The following COLEC12 variants were observed in gnomAD, a reference collection of about 807,000 sequenced individuals.
The protein encoded by COLEC12 is collectin-12.
In COLEC12, 33 loss-of-function variants were observed where a neutral mutation model predicts 71.1. The ratio of observed to expected loss-of-function variants is 0.46; its 90% confidence interval spans 0.35 to 0.62. The LOEUF is 0.62. COLEC12 is among the 20% of genes least tolerant of loss of function. COLEC12 has a pLI of 0.00. For missense variants in COLEC12, 765 were observed against 916.1 expected, an observed-to-expected ratio of 0.84 and a Z score of 2.13; for synonymous variants, 350 against 353.0, an observed-to-expected ratio of 0.99 and a Z score of 0.10.
chr18:450,325 G>A (rs990991517), intron 2 of COLEC12, among the ~76,000 whole-genome samples: 1 of 152,188 alleles, frequency 6.6e-6, no homozygotes. Flanking sequence ...GGGGGGGCCT[G>A]CTGGGAGGAG....
At chr18:417,969 G>C (rs984439337) in intron 2 of COLEC12, among the ~76,000 whole-genome samples, 5 of 152,122 alleles carry the variant, frequency 3.3e-5, no homozygotes, top group African/African-American at 9.7e-5. Context: ...GGATGGCCCT[G>C]CCCCGCACAG....
chr18:348,290 T>A, intron 3 of COLEC12, 127 bp from the exon 4 acceptor site: 1 of 570,292 alleles, frequency 1.8e-6, no homozygotes. Context: ...GTAACTGAAA[T>A]CAAATATAGG....
At chr18:401,728 C>A (rs1308549201) in intron 2 of COLEC12, among the ~76,000 whole-genome samples, 1 of 152,088 alleles carries the variant, frequency 6.6e-6, no homozygotes, top group African/African-American at 2.4e-5. Flanking sequence ...GGAGTATAAT[C>A]AAAAATTTGC....
chr18:483,868 G>A (rs926256663), intron 1 of COLEC12, among the ~76,000 whole-genome samples: 7 of 152,160 alleles, frequency 4.6e-5, no homozygotes, highest in South Asian at 2.1e-4. Flanking sequence ...ACAGCCTAGC[G>A]GAGTTGATGA....
intron 8 of COLEC12, among the ~76,000 whole-genome samples, chr18:330,877 T>TG (rs199804019): frequency 0.013 from 1,920 of 150,202 alleles, 59 homozygotes; most frequent in African/African-American, 0.044. Context: ...TTTGTAGTTT[T>TG]TTTTTTTTTT....
chr18:379,954 G>T (rs988809154), intron 2 of COLEC12, among the ~76,000 whole-genome samples: 3 of 152,066 alleles, frequency 2.0e-5, no homozygotes, highest in African/African-American at 7.2e-5. Flanking sequence ...GGAAAGCAAA[G>T]ATTTCTACCC....
chr18:446,919 A>T (rs1916665627), intron 2 of COLEC12, among the ~76,000 whole-genome samples: 1 of 152,206 alleles, frequency 6.6e-6, no homozygotes, highest in Non-Finnish European at 1.5e-5. Context: ...TTTTGAAAAA[A>T]TTCTATGTTC....
Position 346,591 on chromosome 18 carries a change from A to G in COLEC12, c.1031T>C (p.Val344Ala), listed in dbSNP as rs1914377115. ...GTAACTGATATTGCTAATGATGTTC[A>G]CAATATCCGTCTCAAAGAGCTGGAA... ...ERFQLFETDI[V>A]NIISNISYTA... The change falls in exon 5 of 10, where the codon GTG (valine) becomes GCG (alanine). Residue 344 changes from valine (V) to alanine (A), a missense_variant. By Grantham distance (64) the Val-to-Ala change is moderately conservative. Transcript: ENST00000400256. The surrounding 1 kb of genome is among the most constrained non-coding windows in gnomAD (Gnocchi z 4.0). 3.1e-6 allele frequency: 5 copies of G among 1,614,094 alleles called. No homozygotes were observed. Among genetic ancestry groups the G allele is most frequent in the Non-Finnish European group, 4.2e-6 (5 of 1,180,026 alleles).
Position 319,175 on chromosome 18 carries a change from C to T in COLEC12, c.*870G>A, listed in dbSNP as rs1335690241. On this transcript the variant is annotated 3_prime_UTR_variant, in exon 10 of 10. Coordinates refer to ENST00000400256, the MANE Select transcript of COLEC12 (RefSeq NM_130386.3). ...TTTCTTCTGTGTCTGGTCAGGCACA[C>T]GTCAAGAATGTTGGCTGGTGATGGG... The T allele has an allele frequency of 2.0e-5, 3 of 151,900 alleles. No individual in the cohort carries two copies. Among genetic ancestry groups the T allele is most frequent in the Non-Finnish European group, 2.9e-5 (2 of 68,008 alleles). The allele number at this position is 151,900 out of a possible 1,614,324, so 9.4% of individuals were successfully genotyped here.
chr18:369,432 T>TTTTTA (rs1404120556), intron 2 of COLEC12, among the ~76,000 whole-genome samples: 3 of 130,728 alleles, frequency 2.3e-5, no homozygotes, highest in Non-Finnish European at 4.8e-5. Context: ...TTTATTTTTA[T>TTTTTA]TTTTTTTTGG....
intron 2 of COLEC12, among the ~76,000 whole-genome samples, chr18:363,951 T>G (rs764352644): frequency 1.3e-5 from 2 of 152,200 alleles, no homozygotes; most frequent in Non-Finnish European, 2.9e-5. Flanking sequence ...ATGAAATCAC[T>G]TTCTGTGCAA....
chr18:349,823 G>A (rs34054817), intron 3 of COLEC12, among the ~76,000 whole-genome samples: 10,328 of 152,258 alleles, frequency 0.068, 477 homozygotes, highest in Admixed American at 0.14. Context: ...AACTTGCATG[G>A]GGCCTGTAAC....
At chr18:350,317 C>T (rs376336126) in intron 3 of COLEC12, among the ~76,000 whole-genome samples, 1 of 152,072 alleles carries the variant, frequency 6.6e-6, no homozygotes, top group Non-Finnish European at 1.5e-5. Flanking sequence ...GTAAGAAGTG[C>T]CTTTTGCCTC....
chr18:463,180 T>C (rs796511859), intron 2 of COLEC12, among the ~76,000 whole-genome samples: 1 of 152,182 alleles, frequency 6.6e-6, no homozygotes, highest in South Asian at 2.1e-4. Context: ...CATCAGCCCC[T>C]CTAGAAAGTG....
chr18:432,605 C>T (rs2143677433), intron 2 of COLEC12, among the ~76,000 whole-genome samples: 1 of 152,270 alleles, frequency 6.6e-6, no homozygotes, highest in East Asian at 1.9e-4. Flanking sequence ...GTGAAAAACA[C>T]TAAGTGAATG....
At chr18:488,729 T>C (rs1917564922) in intron 1 of COLEC12, among the ~76,000 whole-genome samples, 1 of 150,924 alleles carries the variant, frequency 6.6e-6, no homozygotes, top group Admixed American at 6.6e-5. Flanking sequence ...AAAAATTCGC[T>C]GGGCGTGCTG....
chr18:424,145 A>C (rs1271931773), intron 2 of COLEC12: 1 of 152,202 alleles, frequency 6.6e-6, no homozygotes, highest in Non-Finnish European at 1.5e-5. Context: ...TACACCAAAG[A>C]CTTAAATCAT....
intron 2 of COLEC12, among the ~76,000 whole-genome samples, chr18:396,935 G>A (rs1915584417): frequency 6.6e-6 from 1 of 152,122 alleles, no homozygotes; most frequent in African/African-American, 2.4e-5. Flanking sequence ...GGTTGGAGAG[G>A]CCAGCCTGGG....
chr18:405,341 CT>C lies in COLEC12; in HGVS notation c.59-47820del, dbSNP rs904388038. 2.0e-5 allele frequency among the ~76,000 whole-genome samples: 3 copies of C among 152,224 alleles called. No individual in the cohort carries two copies. The East Asian group carries it at 5.8e-4, about 29-fold the overall frequency. ...CTTTGTTAGATGCTTATTAGTTCTGCTTTTTGCCCTTTGAAGCGTGTGATCT... is the reference window on the plus strand; with the variant it reads ...CTTTGTTAGATGCTTATTAGTTCTGCTTTTGCCCTTTGAAGCGTGTGATCT... On this transcript the variant is annotated intron_variant, in intron 2 of 9. Coordinates refer to ENST00000400256, the MANE Select transcript of COLEC12 (RefSeq NM_130386.3).
Sources: gnomAD v4.1 joint callset for allele counts (sites outside exome capture counted in the v4.1 genomes callset) on GRCh38, gnomAD v4.1.1 for gene constraint, Gnocchi (gnomAD v3.1) non-coding constraint, MANE v1.5 for transcripts, NCBI Gene and HGNC (gene_info 2026-07-23, HGNC 2026-07-21) for gene names.